Variants in C3orf52 observed in about 807,000 individuals in gnomAD.
C3orf52 encodes the protein chromosome 3 open reading frame 52.
C3orf52 carries 22 observed loss-of-function variants against 24.8 expected under a neutral mutation model. The observed-to-expected ratio is 0.89, with a 90% CI of 0.63 to 1.27. C3orf52 has a LOEUF of 1.27. Ranked by LOEUF, C3orf52 falls within the 50% of genes most tolerant of loss-of-function variation. C3orf52 has a pLI of 0.00. For synonymous variants in C3orf52, 93 were observed against 100.2 expected, an observed-to-expected ratio of 0.93 and a Z score of 0.43; for missense variants, 265 against 260.7, an observed-to-expected ratio of 1.02 and a Z score of -0.11.
intron 2 of C3orf52, among the ~76,000 whole-genome samples, chr3:112,096,508 A>G (rs2073928567): frequency 6.6e-6 from 1 of 152,274 alleles, no homozygotes; most frequent in African/African-American, 2.4e-5. Flanking sequence ...GCTCTTATAC[A>G]TGCAACAGTA....
chr3:112,103,180 G>A (rs1026020867), intron 3 of C3orf52, among the ~76,000 whole-genome samples: 8 of 152,102 alleles, frequency 5.3e-5, no homozygotes, highest in Non-Finnish European at 1.0e-4. Context: ...ACATGGACAC[G>A]AAGAGAGGAA....
chr3:112,122,169 C>T (rs2074213475), downstream of C3orf52: 1 of 152,212 alleles, frequency 6.6e-6, no homozygotes, highest in African/African-American at 2.4e-5. Flanking sequence ...AGTAACCAAA[C>T]ACATTTCTGT....
chr3:112,116,525 C>A, intron 5 of C3orf52, 117 bp from the exon 6 acceptor site: 1 of 913,328 alleles, frequency 1.1e-6, no homozygotes, highest in South Asian at 1.8e-5. Flanking sequence ...AATGTATAAA[C>A]CTTGCAATTT....
chr3:112,134,525 C>G (rs867719579), downstream of C3orf52: 2 of 152,126 alleles, frequency 1.3e-5, no homozygotes, highest in East Asian at 3.9e-4. Context: ...ACACCCCTGT[C>G]GCAAGTCCCG....
chr3:112,095,835 T>C (rs568111426), intron 2 of C3orf52, among the ~76,000 whole-genome samples: 20 of 152,214 alleles, frequency 1.3e-4, no homozygotes, highest in Admixed American at 1.0e-3. Context: ...GGGGCTCCCT[T>C]CTGTGACAGT....
intron 4 of C3orf52, among the ~76,000 whole-genome samples, chr3:112,110,218 T>C (rs551027774): frequency 1.3e-5 from 2 of 152,058 alleles, no homozygotes; most frequent in African/African-American, 4.8e-5. Flanking sequence ...TAATCCCAGC[T>C]ACTCAGGAGG....
At chr3:112,104,527 T>C (rs2074006671) in intron 3 of C3orf52, among the ~76,000 whole-genome samples, 1 of 152,232 alleles carries the variant, frequency 6.6e-6, no homozygotes, top group South Asian at 2.1e-4. Flanking sequence ...ATTTCATTGC[T>C]TCTTTTATCA....
At chr3:112,132,419 G>A (rs996972562), downstream of C3orf52, among the ~76,000 whole-genome samples, 1 of 152,228 alleles carries the variant, frequency 6.6e-6, no homozygotes, top group East Asian at 1.9e-4. Flanking sequence ...TTGGTGGCAC[G>A]GCTTTGATAT....
chr3:112,098,185 T>G (rs997148418), intron 2 of C3orf52, among the ~76,000 whole-genome samples: 2 of 152,238 alleles, frequency 1.3e-5, no homozygotes, highest in Non-Finnish European at 2.9e-5. Context: ...CTCTTGTATC[T>G]ATTGGTTCCC....
chr3:112,100,234 C>T (rs79616762), intron 2 of C3orf52, among the ~76,000 whole-genome samples: 3,438 of 152,326 alleles, frequency 0.023, 57 homozygotes, highest in South Asian at 0.068. Context: ...TAACAACACT[C>T]CATTACCCCT....
chr3:112,130,673 G>C (rs1166997499), downstream of C3orf52: 1 of 662,512 alleles, frequency 1.5e-6, no homozygotes, highest in Non-Finnish European at 2.7e-6. Flanking sequence ...TCAAGCACAT[G>C]TCGCAAGCTA....
chr3:112,099,847 A>G (rs1179976039), intron 2 of C3orf52, among the ~76,000 whole-genome samples: 2 of 152,168 alleles, frequency 1.3e-5, no homozygotes, highest in African/African-American at 4.8e-5. Flanking sequence ...CCCACTTACT[A>G]CAAGGCACCA....
downstream of C3orf52, chr3:112,119,498 A>C: frequency 1.4e-6 from 1 of 702,992 alleles, no homozygotes; most frequent in Non-Finnish European, 2.6e-6. Context: ...ATCCTGAAGC[A>C]CTGGTGGGAT....
chr3:112,119,538 C>T (rs1267786893), downstream of C3orf52: 2 of 702,844 alleles, frequency 2.8e-6, no homozygotes, highest in South Asian at 1.5e-5. Flanking sequence ...TTCCTTTACA[C>T]ATGTTCGTGT....
intron 2 of C3orf52, among the ~76,000 whole-genome samples, chr3:112,096,989 A>T (rs1274330553): frequency 6.6e-6 from 1 of 152,188 alleles, no homozygotes; most frequent in Non-Finnish European, 1.5e-5. Context: ...CTCACAATCG[A>T]CATGGAAATT....
downstream of C3orf52, among the ~76,000 whole-genome samples, chr3:112,131,305 T>C (rs2074445274): frequency 6.6e-6 from 1 of 151,904 alleles, no homozygotes; most frequent in South Asian, 2.1e-4. Context: ...GCTCCTCTCA[T>C]GAAGGGATGA....
At chr3:112,106,033 A>G (rs2074020301) in intron 3 of C3orf52, among the ~76,000 whole-genome samples, 1 of 152,152 alleles carries the variant, frequency 6.6e-6, no homozygotes, top group African/African-American at 2.4e-5. Context: ...AAAAAGGTAC[A>G]TAGGGCGGAC....
exon 5 of C3orf52, chr3:112,128,359 G>GTT (rs1331057543): frequency 5.5e-6 from 3 of 540,546 alleles, no homozygotes; most frequent in Non-Finnish European, 1.0e-5. Context: ...TGAAGAACAC[G>GTT]TAAGTGTTAT....
At chr3:112,129,890 C>T (rs1324552927), downstream of C3orf52, 1 of 152,472 alleles carries the variant, frequency 6.6e-6, no homozygotes, top group African/African-American at 2.4e-5. Flanking sequence ...ATTCTTGGAT[C>T]CTGGAACATT....
Sources: gnomAD v4.1 joint callset for allele counts (sites outside exome capture counted in the v4.1 genomes callset) on GRCh38, gnomAD v4.1.1 for gene constraint, MANE v1.5 for transcripts, NCBI Gene and HGNC (gene_info 2026-07-23, HGNC 2026-07-21) for gene names.